The following CAAP1 variants were observed in gnomAD, a reference collection of about 807,000 sequenced individuals.
CAAP1 encodes the protein conserved anti-apoptotic protein.
In CAAP1, 20 loss-of-function variants were observed where a neutral mutation model predicts 34.0. The ratio of observed to expected loss-of-function variants is 0.59; its 90% CI spans 0.41 to 0.86. The LOEUF is 0.86. CAAP1 is among the 40% of genes least tolerant of loss of function. The pLI is 0.00. For missense variants in CAAP1, 538 were observed against 450.5 expected, an observed-to-expected ratio of 1.19 and a Z score of -1.76; for synonymous variants, 213 against 166.7, an observed-to-expected ratio of 1.28 and a Z score of -2.14.
At chr9:26,871,304 G>A (rs1243251877) in intron 4 of CAAP1, among the ~76,000 whole-genome samples, 5 of 152,140 alleles carry the variant, frequency 3.3e-5, no homozygotes, top group East Asian at 1.9e-4. Context: ...GAGACCAGGC[G>A]CAGTGGCTCA....
At chr9:26,868,437 G>A (rs1432097647) in intron 4 of CAAP1, among the ~76,000 whole-genome samples, 1 of 152,198 alleles carries the variant, frequency 6.6e-6, no homozygotes, top group African/African-American at 2.4e-5. Context: ...ACTGGAAGCT[G>A]AAAAGGGCAA....
intron 4 of CAAP1, among the ~76,000 whole-genome samples, chr9:26,876,359 CAA>C (rs1823428557): frequency 6.6e-6 from 1 of 152,008 alleles, no homozygotes; most frequent in African/African-American, 2.4e-5. Flanking sequence ...ATCACATCAG[CAA>C]AGTCTCTTTT....
chr9:26,853,070 A>T (rs1181430830), intron 5 of CAAP1, among the ~76,000 whole-genome samples: 1 of 152,228 alleles, frequency 6.6e-6, no homozygotes, highest in Non-Finnish European at 1.5e-5. Context: ...GATTTTGTGT[A>T]GAGATGGGAA....
At chr9:26,875,902 G>A (rs1823417096) in intron 4 of CAAP1, among the ~76,000 whole-genome samples, 1 of 152,004 alleles carries the variant, frequency 6.6e-6, no homozygotes, top group Non-Finnish European at 1.5e-5. Context: ...TAACCCTATT[G>A]CTCTAGGCAA....
At chr9:26,887,256 G>C (rs1823770013) in intron 2 of CAAP1, 57 bp downstream of exon 2, 3 of 1,124,660 alleles carry the variant, frequency 2.7e-6, no homozygotes, top group East Asian at 2.7e-5. Flanking sequence ...ACAAAAAATT[G>C]CTACAAAGAA....
At chr9:26,852,315 C>T (rs747279530) in intron 5 of CAAP1, among the ~76,000 whole-genome samples, 2 of 151,936 alleles carry the variant, frequency 1.3e-5, no homozygotes, top group African/African-American at 2.4e-5. Context: ...ATTAGCTGGG[C>T]GTGGTGGTGT....
chr9:26,865,099 T>C (rs1272642678), intron 4 of CAAP1, among the ~76,000 whole-genome samples: 1 of 152,210 alleles, frequency 6.6e-6, no homozygotes. Context: ...ATATAACAGA[T>C]TGATCTCAAC....
At chr9:26,876,472 G>GT (rs60742949) in intron 4 of CAAP1, among the ~76,000 whole-genome samples, 3,539 of 125,630 alleles carry the variant, frequency 0.028, 70 homozygotes, top group Middle Eastern at 0.045. Context: ...ATTCTAGAAG[G>GT]TTTTTTTTTT....
intron 1 of CAAP1, among the ~76,000 whole-genome samples, chr9:26,890,874 G>A (rs1379128023): frequency 6.6e-6 from 1 of 152,300 alleles, no homozygotes; most frequent in Admixed American, 6.5e-5. Context: ...GAACCCGGGA[G>A]GCGGAGCTTG....
intron 4 of CAAP1, among the ~76,000 whole-genome samples, chr9:26,881,334 C>T (rs1342114807): frequency 1.3e-5 from 2 of 152,172 alleles, no homozygotes; most frequent in African/African-American, 4.8e-5. Context: ...ATTTGATATA[C>T]TTTTGCTGTG....
At chr9:26,850,091 C>T (rs1822711056) in intron 5 of CAAP1, among the ~76,000 whole-genome samples, 1 of 152,194 alleles carries the variant, frequency 6.6e-6, no homozygotes, top group Admixed American at 6.5e-5. Context: ...CCCCCTTGGC[C>T]TCCCAAAGTG....
chr9:26,877,725 T>G (rs1823477691), intron 4 of CAAP1, among the ~76,000 whole-genome samples: 1 of 152,140 alleles, frequency 6.6e-6, no homozygotes, highest in Non-Finnish European at 1.5e-5. Context: ...TCTGCTTCCA[T>G]GTTATTTTTT....
chr9:26,850,793 A>C (rs1362361835), intron 5 of CAAP1, among the ~76,000 whole-genome samples: 2 of 152,144 alleles, frequency 1.3e-5, no homozygotes, highest in Admixed American at 6.5e-5. Flanking sequence ...TCTTATGTGT[A>C]GTGTATTAAG....
chr9:26,885,460 T>C (rs1232401027), intron 3 of CAAP1, among the ~76,000 whole-genome samples: 5 of 152,172 alleles, frequency 3.3e-5, no homozygotes, highest in Non-Finnish European at 7.3e-5. Flanking sequence ...CATATGTATA[T>C]ATCTATTTCC....
chr9:26,842,432 C>T lies in CAAP1; in HGVS notation c.955G>A (p.Ala319Thr). The change falls in exon 6 of 6, where the codon GCC becomes ACC. Residue 319 changes from alanine to threonine, a missense_variant. Around this residue, in one of 3 missense-constraint regions of CAAP1, gnomAD observed 514 missense variants for 408.4 expected, o/e 1.26. Coordinates refer to ENST00000333916, the MANE Select transcript of CAAP1 (RefSeq NM_024828.4). ...TCTGGTGGAGGAACAGCCAGGGTGG[C>T]TGCTTTGGGTTCGTTTGGGCTAGAC... The part of the protein sequence containing the change: ...AESSPNEPKA[A>T]TLAVPPPEDV... The T allele has an allele frequency of 6.2e-7, 1 of 1,614,182 alleles. No individual in the cohort carries two copies. Among genetic ancestry groups the T allele is most frequent in the Admixed American group, 1.7e-5 (1 of 60,014 alleles).
In CAAP1 at chr9:26,884,894, TG is replaced by T; in HGVS notation, c.590-10del. Reference sequence around the variant, plus strand: ...GTCCATTCCATTGTCACCTTATAAATGAAAGAAACTATTGAAAGCACACTTA... The same window carrying T: ...GTCCATTCCATTGTCACCTTATAAATAAAGAAACTATTGAAAGCACACTTA... On this transcript the variant is annotated splice_polypyrimidine_tract_variant and intron_variant, in intron 3 of 5. Transcript: ENST00000333916. The T allele has an allele frequency of 1.3e-6, 2 of 1,580,858 alleles. No individual in the cohort carries two copies. Among genetic ancestry groups the T allele is most frequent in the South Asian group, 2.2e-5 (2 of 89,400 alleles).
intron 5 of CAAP1, among the ~76,000 whole-genome samples, chr9:26,855,924 T>A (rs1587095639): frequency 6.6e-6 from 1 of 152,132 alleles, no homozygotes; most frequent in East Asian, 1.9e-4. Flanking sequence ...ATGATACACA[T>A]CACAGGATAG....
At chr9:26,867,554 G>A (rs758877401) in intron 4 of CAAP1, among the ~76,000 whole-genome samples, 3 of 152,114 alleles carry the variant, frequency 2.0e-5, no homozygotes, top group Non-Finnish European at 4.4e-5. Flanking sequence ...GCCTACCACA[G>A]ATGGGGAAAA....
chr9:26,883,971 A>G (rs1401851686), intron 4 of CAAP1, among the ~76,000 whole-genome samples: 1 of 152,304 alleles, frequency 6.6e-6, no homozygotes, highest in Admixed American at 6.5e-5. Flanking sequence ...TTATGAAAAA[A>G]TTCTGTATTT....
Sources: gnomAD v4.1 joint callset for allele counts (sites outside exome capture counted in the v4.1 genomes callset) on GRCh38, gnomAD v4.1.1 for gene constraint, gnomAD v4.1.1 regional missense constraint, MANE v1.5 for transcripts, NCBI Gene and HGNC (gene_info 2026-07-23, HGNC 2026-07-21) for gene names.